GNB5: variants seen among roughly 807,000 people sequenced by gnomAD.
GNB5 encodes the protein guanine nucleotide-binding protein subunit beta-5.
Under a neutral mutation model 55.3 loss-of-function variants are expected in GNB5, and 37 were observed. The observed-to-expected ratio is 0.67, with a 90% CI of 0.51 to 0.88. The LOEUF is 0.88. Ranked by LOEUF, GNB5 falls within the 40% of genes least tolerant of loss-of-function variation. The probability of loss-of-function intolerance (pLI) is 0.00; values close to 1 mark genes in which losing one functional copy is unlikely to be tolerated. For synonymous variants in GNB5, 219 were observed against 198.5 expected, an observed-to-expected ratio of 1.10 and a Z score of -0.87; for missense variants, 476 against 515.3, an observed-to-expected ratio of 0.92 and a Z score of 0.74.
chr15:52,124,732 A>G lies in GNB5; in HGVS notation c.1010-93T>C, dbSNP rs183395477. ...TTACTCACTCATTCAGTAAGCAGTG[A>G]TTCAGGCGCACTGAGTCCTAGGCAC... is the stretch of plus-strand genomic sequence containing the variant. On this transcript the variant is annotated intron_variant, in intron 11 of 12. Transcript: ENST00000261837. The G allele has an allele frequency of 8.4e-4, 923 of 1,094,998 alleles. 9 individuals carry two copies. Among genetic ancestry groups the G allele is most frequent in the Non-Finnish European group, 1.2e-4 (85 of 731,136 alleles). 67.8% of individuals were successfully genotyped at this position (1,094,998 alleles called of 1,614,324 possible). A position where few individuals can be genotyped will look rare whatever the true frequency, so the allele number is the denominator to read the frequency against.
At chr15:52,127,455 G>T (rs1386970567) in intron 10 of GNB5, among the ~76,000 whole-genome samples, 1 of 151,936 alleles carries the variant, frequency 6.6e-6, no homozygotes, top group Non-Finnish European at 1.5e-5. Context: ...TATGTGGCAA[G>T]AATTTTTCCA....
chr15:52,131,680 C>CT (rs538827394), intron 9 of GNB5, among the ~76,000 whole-genome samples: 86 of 151,864 alleles, frequency 5.7e-4, no homozygotes, highest in African/African-American at 2.0e-3. Context: ...GTCTTTTTTT[C>CT]TTTTTTCCTT....
chr15:52,136,470 T>C (rs2033726231), intron 7 of GNB5, among the ~76,000 whole-genome samples: 1 of 152,186 alleles, frequency 6.6e-6, no homozygotes, highest in South Asian at 2.1e-4. Context: ...CTGGGCTGCT[T>C]GCTAATAGAG....
chr15:52,176,055 A>C (rs2141236301), intron 3 of GNB5, among the ~76,000 whole-genome samples: 1 of 148,994 alleles, frequency 6.7e-6, no homozygotes, highest in East Asian at 2.0e-4. Flanking sequence ...TCTCAAAAAA[A>C]AACAAAACAA....
At chr15:52,165,503 C>G (rs546148757) in intron 3 of GNB5, among the ~76,000 whole-genome samples, 57 of 152,258 alleles carry the variant, frequency 3.7e-4, no homozygotes, top group African/African-American at 1.4e-3. Context: ...GCAGACCTCT[C>G]AGTGGAAACC....
At position 52,119,519 on chromosome 15, in the gene GNB5, A is replaced by G. The variant is rs2033216847; in HGVS notation, c.*3238T>C. The G allele has an allele frequency of 8.6e-6, 1 of 116,730 alleles. No individual in the cohort carries two copies. The highest frequency in any genetic ancestry group is 1.8e-5 in the Non-Finnish European group (1 of 56,854). The allele number at this position is 116,730 out of a possible 1,614,324, so 7.2% of individuals were successfully genotyped here. A position where few individuals can be genotyped will look rare whatever the true frequency, so the allele number is the denominator to read the frequency against. On this transcript the variant is annotated 3_prime_UTR_variant, in exon 13 of 13. Coordinates refer to ENST00000261837, the MANE Select transcript of GNB5 (RefSeq NM_016194.4). ...AGAGAGGGAGGAGGAGGGGAAGGGA[A>G]GAGAAAGAGGGAAGATAGGTGGAGG... is the stretch of plus-strand genomic sequence containing the variant.
intron 3 of GNB5, among the ~76,000 whole-genome samples, chr15:52,164,585 G>C (rs989426709): frequency 6.6e-6 from 1 of 151,976 alleles, no homozygotes; most frequent in South Asian, 2.1e-4. Flanking sequence ...CCGAGAGCAC[G>C]ACACTGCACT....
chr15:52,132,086 G>C (rs554959415), intron 9 of GNB5, among the ~76,000 whole-genome samples: 2 of 152,298 alleles, frequency 1.3e-5, no homozygotes, highest in South Asian at 4.1e-4. Context: ...CCTAAGCTCA[G>C]GGTTCTTCTA....
rs761801477 is a variant in GNB5 at position 52,128,221 on chromosome 15, A to T, written c.887T>A (p.Phe296Tyr). 1 of 1,611,830 alleles carries T rather than the reference A, an allele frequency of 6.2e-7. No homozygotes were observed. The highest frequency in any genetic ancestry group is 1.1e-5 in the South Asian group (1 of 91,022). Residue 296 changes from phenylalanine (F) to tyrosine (Y), a missense_variant, in exon 10 of 13, where the codon TTT becomes TAT. Coordinates refer to ENST00000261837, the MANE Select transcript of GNB5 (RefSeq NM_016194.4). ...SVRYYPSGDA[F>Y]ASGSDDATCR... is the part of the protein sequence containing the mutation. ...CGTAGCGTCATCTGACCCTGAAGCA[A>T]AGGCATCTCCACTGGGGTAGTACCT... is the stretch of plus-strand genomic sequence containing the variant.
intron 4 of GNB5, among the ~76,000 whole-genome samples, chr15:52,152,196 C>T (rs1384585531): frequency 1.3e-5 from 2 of 151,204 alleles, no homozygotes; most frequent in Non-Finnish European, 2.9e-5. Context: ...TGTGGATTAT[C>T]TAGAGTATAT....
At chr15:52,189,723 G>C (rs1331663669) in intron 1 of GNB5, among the ~76,000 whole-genome samples, 1 of 152,208 alleles carries the variant, frequency 6.6e-6, no homozygotes, top group Non-Finnish European at 1.5e-5. Context: ...CCAGTAGACT[G>C]CTATTCAGCA....
intron 6 of GNB5, among the ~76,000 whole-genome samples, chr15:52,144,970 C>A (rs1167952340): frequency 6.6e-6 from 1 of 152,176 alleles, no homozygotes; most frequent in African/African-American, 2.4e-5. Flanking sequence ...TACCCTTACA[C>A]TGTAATAAAA....
intron 7 of GNB5, among the ~76,000 whole-genome samples, chr15:52,136,172 A>ACCC (rs1555405462): frequency 9.0e-5 from 9 of 100,118 alleles, no homozygotes; most frequent in African/African-American, 2.2e-4. Context: ...ACACACACAC[A>ACCC]CCCTACCTGC....
chr15:52,181,663 G>A (rs965544613), intron 2 of GNB5, among the ~76,000 whole-genome samples: 2 of 152,032 alleles, frequency 1.3e-5, no homozygotes, highest in Admixed American at 6.6e-5. Flanking sequence ...AGATAGTGTG[G>A]GTGAAGACTT....
intron 4 of GNB5, among the ~76,000 whole-genome samples, chr15:52,151,761 G>A (rs914738605): frequency 1.3e-5 from 2 of 152,166 alleles, no homozygotes; most frequent in African/African-American, 4.8e-5. Context: ...ATCCTGATAA[G>A]CACCTTATAA....
At chr15:52,184,174 C>T (rs2034812560) in intron 2 of GNB5, among the ~76,000 whole-genome samples, 1 of 152,180 alleles carries the variant, frequency 6.6e-6, no homozygotes, top group Non-Finnish European at 1.5e-5. Context: ...ATAATAGAAG[C>T]TAAAACATTC....
chr15:52,137,991 A>G, intron 7 of GNB5: 1 of 1,280,886 alleles, frequency 7.8e-7, no homozygotes, highest in Non-Finnish European at 1.0e-6. Context: ...GCTAGCATGC[A>G]ATGCAACCAC....
intron 1 of GNB5, among the ~76,000 whole-genome samples, chr15:52,189,390 C>T (rs2034888747): frequency 6.6e-6 from 1 of 152,044 alleles, no homozygotes; most frequent in South Asian, 2.1e-4. Flanking sequence ...CTGAGGTCAG[C>T]CTGGGCAACA....
At chr15:52,123,259 C>A (rs949345978) in intron 12 of GNB5, among the ~76,000 whole-genome samples, 6 of 152,136 alleles carry the variant, frequency 3.9e-5, no homozygotes, top group Admixed American at 3.3e-4. Flanking sequence ...GAAAACACAC[C>A]CATGTCTCAG....
Sources: gnomAD v4.1 joint callset for allele counts (sites outside exome capture counted in the v4.1 genomes callset) on GRCh38, gnomAD v4.1.1 for gene constraint, MANE v1.5 for transcripts, NCBI Gene and HGNC (gene_info 2026-07-23, HGNC 2026-07-21) for gene names.